CHRD: variants seen among roughly 807,000 people sequenced by gnomAD.
CHRD encodes the protein chordin.
In CHRD, 69 loss-of-function variants were observed where a neutral mutation model predicts 113.7. That is an observed-to-expected ratio of 0.61 (90% CI 0.50 to 0.74). The LOEUF (loss-of-function observed/expected upper bound fraction) is 0.74. Ranked by LOEUF, CHRD falls within the 30% of genes least tolerant of loss-of-function variation. The pLI, the probability that CHRD is intolerant of heterozygous loss-of-function variation, is 0.00. For synonymous variants in CHRD, 561 were observed against 540.8 expected, an observed-to-expected ratio of 1.04 and a Z score of -0.52; for missense variants, 1,194 against 1,295.8, an observed-to-expected ratio of 0.92 and a Z score of 1.21.
intron 12 of CHRD, 133 bp downstream of exon 12, chr3:184,383,775 CTTTTTTT>C: frequency 9.4e-6 from 4 of 426,056 alleles, no homozygotes; most frequent in Non-Finnish European, 1.1e-5. Context: ...ATTCATTTGA[CTTTTTTT>C]TTTTTTTTTT....
Position 184,380,633 on chromosome 3 carries a change from C to G in CHRD, c.149-59C>G. On this transcript the variant is annotated intron_variant, in intron 1 of 22. Transcript: ENST00000204604. The surrounding 1 kb of genome is among the most constrained non-coding windows in gnomAD (Gnocchi z 6.3). The stretch of plus-strand genomic sequence containing the variant: ...TGGGACCCGGGACCCGCGGGCAGCC[C>G]CCGGGGCGGCACACGGCGCGAGCTG... 1 of 1,382,872 alleles carries G rather than the reference C, an allele frequency of 7.2e-7. No homozygotes were observed. Among genetic ancestry groups the G allele is most frequent in the Non-Finnish European group, 9.5e-7 (1 of 1,047,774 alleles). The allele number at this position is 1,382,872 out of a possible 1,614,324, so 85.7% of individuals were successfully genotyped here.
chr3:184,388,553 C>T lies in CHRD; in HGVS notation c.2555-34C>T. On this transcript the variant is annotated intron_variant, in intron 20 of 22. Coordinates refer to ENST00000204604, the Ensembl canonical transcript of CHRD. This position sits in a 1 kb window ranked among gnomAD's most constrained non-coding sequence, Gnocchi z 6.1. ...ATACTCATAAAACCTTGTTGGTCCTCCTGGGCTGATCCTTTCTCTTTCCCT... is the reference window on the plus strand; with the variant it reads ...ATACTCATAAAACCTTGTTGGTCCTTCTGGGCTGATCCTTTCTCTTTCCCT... 8 of 1,595,698 alleles carry T rather than the reference C, an allele frequency of 5.0e-6. No homozygotes were observed. The highest frequency in any genetic ancestry group is 6.8e-6 in the Non-Finnish European group (8 of 1,176,352).
chr3:184,380,308 C>T lies in CHRD; in HGVS notation c.-11C>T, dbSNP rs753517862. 5.2e-5 allele frequency: 68 copies of T among 1,312,866 alleles called. No individual in the cohort carries two copies. Among genetic ancestry groups the T allele is most frequent in the Non-Finnish European group, 6.4e-5 (65 of 1,019,328 alleles). The allele number at this position is 1,312,866 out of a possible 1,614,324, so 81.3% of individuals were successfully genotyped here. On this transcript the variant is annotated 5_prime_UTR_variant, in exon 1 of 23. Coordinates refer to ENST00000204604, the Ensembl canonical transcript of CHRD. This position sits in a 1 kb window ranked among gnomAD's most constrained non-coding sequence, Gnocchi z 6.3. ...CCTCCCTCCCTCCTCCCCAGCTGTC[C>T]CGTTCGCGTCATGCCGAGCCTCCCG...
Position 184,381,269 on chromosome 3 carries a change from G to A in CHRD, c.287G>A (p.Arg96Lys), listed in dbSNP as rs1292056989. The change falls in exon 3 of 23, where the codon AGG becomes AAG. Residue 96 changes from arginine (R) to lysine (K), a missense_variant. Transcript: ENST00000204604. This position sits in a 1 kb window ranked among gnomAD's most constrained non-coding sequence, Gnocchi z 4.7. ...GGTCGCCGTACCAGGGGCCCTGGCA[G>A]GGTCAGCTGCAAGAACATCAAACCA... 6.2e-7 allele frequency: 1 copy of A among 1,613,392 alleles called. No individual in the cohort carries two copies. The highest frequency in any genetic ancestry group is 1.1e-5 in the South Asian group (1 of 91,078).
Position 184,380,409 on chromosome 3 carries a change from C to G in CHRD, c.91C>G (p.Pro31Ala). The change falls in exon 1 of 23, where the codon CCC becomes GCC. Residue 31 changes from proline (P) to alanine (A), a missense_variant. Physicochemically the swap from Pro to Ala is conservative, Grantham distance 27. Coordinates refer to ENST00000204604, the Ensembl canonical transcript of CHRD. The surrounding 1 kb of genome is among the most constrained non-coding windows in gnomAD (Gnocchi z 6.3). ...GCCGGCCCGCGGCGCCGGCCCAGAG[C>G]CCCCCGTGCTGCCCATCCGTTCTGA... The G allele has an allele frequency of 7.5e-7, 1 of 1,335,906 alleles. No homozygotes were observed. Among genetic ancestry groups the G allele is most frequent in the Non-Finnish European group, 9.7e-7 (1 of 1,034,742 alleles). The allele number at this position is 1,335,906 out of a possible 1,614,324, so 82.8% of individuals were successfully genotyped here. A position where few individuals can be genotyped will look rare whatever the true frequency, so the allele number is the denominator to read the frequency against.
rs1323428167 is a variant in CHRD, at chr3:184,389,008, G to A, written c.2812+13G>A. On this transcript the variant is annotated intron_variant, in intron 22 of 22. Transcript: ENST00000204604. ...GCCCACCGGCGGCGTAAGTGAGGGAGTCCAGGGTCAGCAGCTGTGAGTGGA... is the reference window on the plus strand; with the variant it reads ...GCCCACCGGCGGCGTAAGTGAGGGAATCCAGGGTCAGCAGCTGTGAGTGGA... 3 of 1,588,320 alleles carry A rather than the reference G, an allele frequency of 1.9e-6. No individual in the cohort carries two copies. The highest frequency in any genetic ancestry group is 1.7e-5 in the Admixed American group (1 of 59,928).
exon 9 of CHRD, chr3:184,382,902 G>A: frequency 6.2e-7 from 1 of 1,613,930 alleles, no homozygotes; most frequent in Admixed American, 1.7e-5. Context: ...ACCAGGGGCA[G>A]CTACTGCGAG....
rs144999760 is a variant in CHRD, at chr3:184,388,486, A to G, written c.2555-101A>G. The G allele has an allele frequency of 1.1e-4, 147 of 1,354,980 alleles. 1 individual carries two copies. The East Asian group carries it at 3.3e-3, about 30-fold the overall frequency. 83.9% of individuals were successfully genotyped at this position (1,354,980 alleles called of 1,614,324 possible). A position where few individuals can be genotyped will look rare whatever the true frequency, so the allele number is the denominator to read the frequency against. ...ACCCACCCATCCAAATTTATCACCTACTAAGTGCCAGAAACTGCAACGTGC... is the reference window on the plus strand; with the variant it reads ...ACCCACCCATCCAAATTTATCACCTGCTAAGTGCCAGAAACTGCAACGTGC... On this transcript the variant is annotated intron_variant, in intron 20 of 22. Coordinates refer to ENST00000204604, the Ensembl canonical transcript of CHRD. The surrounding 1 kb of genome is among the most constrained non-coding windows in gnomAD (Gnocchi z 6.1).
At chr3:184,382,109 G>A in intron 6 of CHRD, 89 bp downstream of exon 6, 1 of 1,536,200 alleles carries the variant, frequency 6.5e-7, no homozygotes, top group Non-Finnish European at 8.9e-7. Flanking sequence ...CCTCACCACA[G>A]CCCAGTGGGA....
rs375864142 is a variant in CHRD, at chr3:184,383,627, G to A, written c.1425G>A (p.Gln475=). 3.8e-5 allele frequency: 62 copies of A among 1,612,004 alleles called. No homozygotes were observed. The South Asian group carries it at 5.7e-4, about 15-fold the overall frequency. Reference sequence around the variant, plus strand: ...TCCTGTGCCACATGGCTGGACTCCAGCCAGGAGGACACACGGTGAGGGCTC... The same window carrying A: ...TCCTGTGCCACATGGCTGGACTCCAACCAGGAGGACACACGGTGAGGGCTC... Residue 475 remains glutamine (Q), a synonymous_variant, in exon 12 of 23, where the codon CAG becomes CAA. Coordinates refer to ENST00000204604, the Ensembl canonical transcript of CHRD.
intron 14 of CHRD, 37 bp from the exon 15 acceptor site, chr3:184,386,009 G>A (rs1716216961): frequency 1.9e-6 from 3 of 1,605,496 alleles, no homozygotes; most frequent in South Asian, 2.2e-5. Context: ...CAGCCCTAAA[G>A]TGCCTTATTC....
rs1716472017 is a variant in CHRD at position 184,387,226 on chromosome 3, T to C, written c.2347+119T>C. The C allele has an allele frequency of 7.8e-7, 1 of 1,278,098 alleles. No homozygotes were observed. The highest frequency in any genetic ancestry group is 1.1e-6 in the Non-Finnish European group (1 of 893,690). The allele number at this position is 1,278,098 out of a possible 1,614,324, so 79.2% of individuals were successfully genotyped here. ...TGGCCTGAGGGGCACAGATTCCAAG[T>C]GATGCCTGACAGGACTCATTAGTGT... On this transcript the variant is annotated intron_variant, in intron 18 of 22. Coordinates refer to ENST00000204604, the Ensembl canonical transcript of CHRD. This position sits in a 1 kb window ranked among gnomAD's most constrained non-coding sequence, Gnocchi z 6.1.
chr3:184,385,041 G>A, exon 14 of CHRD: 5 of 1,614,048 alleles, frequency 3.1e-6, no homozygotes, highest in Middle Eastern at 1.7e-4. Context: ...CCTAGCAGGA[G>A]CCCTGGTGCT....
chr3:184,384,535 A>G lies in CHRD; in HGVS notation c.1441-2A>G. The G allele has an allele frequency of 6.6e-7, 1 of 1,523,720 alleles. No homozygotes were observed. Among genetic ancestry groups the G allele is most frequent in the South Asian group, 1.3e-5 (1 of 77,110 alleles). 94.4% of individuals were successfully genotyped at this position (1,523,720 alleles called of 1,614,324 possible). A position where few individuals can be genotyped will look rare whatever the true frequency, so the allele number is the denominator to read the frequency against. On this transcript the variant is annotated splice_acceptor_variant, in intron 12 of 22. Coordinates refer to ENST00000204604, the Ensembl canonical transcript of CHRD. LOFTEE classifies it high-confidence loss of function. This position sits in a 1 kb window ranked among gnomAD's most constrained non-coding sequence, Gnocchi z 4.4. ...AGAAGGCCTATCCTCCCCTGCCCCC[A>G]GGCCGTGGGTATCTGCCCTGGGCTG...
chr3:184,384,539 C>A lies in CHRD; in HGVS notation c.1443C>A (p.Ala481=). The stretch of plus-strand genomic sequence containing the variant: ...GGCCTATCCTCCCCTGCCCCCAGGC[C>A]GTGGGTATCTGCCCTGGGCTGGGTG... Residue 481 remains alanine, a splice_region_variant and synonymous_variant, in exon 13 of 23, where the codon GCC becomes GCA. Transcript: ENST00000204604. The surrounding 1 kb of genome is among the most constrained non-coding windows in gnomAD (Gnocchi z 4.4). The A allele has an allele frequency of 6.5e-7, 1 of 1,532,700 alleles. No homozygotes were observed. The highest frequency in any genetic ancestry group is 1.3e-5 in the South Asian group (1 of 78,754). 94.9% of individuals were successfully genotyped at this position (1,532,700 alleles called of 1,614,324 possible).
chr3:184,383,039 G>A, exon 10 of CHRD: 1 of 1,612,222 alleles, frequency 6.2e-7, no homozygotes, highest in Non-Finnish European at 8.5e-7. Context: ...CTGAGGTGCT[G>A]CCCAACCTGA....
Position 184,383,173 on chromosome 3 carries a change from G to A in CHRD, c.1213+10G>A, listed in dbSNP as rs562334974. 98 of 1,593,236 alleles carry A rather than the reference G, an allele frequency of 6.2e-5. 1 individual carries two copies. Among genetic ancestry groups the A allele is most frequent in the Middle Eastern group, 2.2e-4 (1 of 4,568 alleles). ...AGGAAGAGCTGCGACGGTGAGGCGG[G>A]GGGGGGGCCTGGTGCGCCGGGCATG... On this transcript the variant is annotated intron_variant, in intron 10 of 22. Transcript: ENST00000204604.
chr3:184,385,044 C>T (rs1374835761), exon 14 of CHRD: 1 of 1,614,106 alleles, frequency 6.2e-7, no homozygotes, highest in Non-Finnish European at 8.5e-7. Context: ...AGCAGGAGCC[C>T]TGGTGCTACC....
rs561705843 is a variant in CHRD at position 184,380,682 on chromosome 3, G to T, written c.149-10G>T. On this transcript the variant is annotated splice_polypyrimidine_tract_variant and intron_variant, in intron 1 of 22. Coordinates refer to ENST00000204604, the Ensembl canonical transcript of CHRD. The surrounding 1 kb of genome is among the most constrained non-coding windows in gnomAD (Gnocchi z 6.3). ...TGGGCAGCGGCCTCCAGCCAAGCCC[G>T]TCCCCGCAGGCTGCACCTTCGGCGG... The T allele has an allele frequency of 1.1e-5, 17 of 1,573,388 alleles. No homozygotes were observed. In the African/African-American group the frequency reaches 2.0e-4, roughly 18 times the overall value.
Sources: allele counts gnomAD v4.1 joint callset, GRCh38; gene constraint gnomAD v4.1.1; non-coding constraint Gnocchi (gnomAD v3.1); transcripts MANE v1.5; gene names NCBI Gene and HGNC (gene_info 2026-07-23, HGNC 2026-07-21).